TMTC2: variants seen among roughly 807,000 people sequenced by gnomAD.
TMTC2 encodes transmembrane O-mannosyltransferase targeting cadherins 2.
Under a neutral mutation model 82.4 loss-of-function variants are expected in TMTC2, and 43 were observed. That is an observed-to-expected ratio of 0.52 (90% CI 0.41 to 0.67). The LOEUF (loss-of-function observed/expected upper bound fraction) is 0.67, where lower values mean the gene tolerates loss of function less well. Among genes scored for constraint, TMTC2 ranks in the 30% least tolerant of loss-of-function variants. TMTC2 has a pLI of 0.00. For missense variants in TMTC2, 919 were observed against 1,012.4 expected, an observed-to-expected ratio of 0.91 and a Z score of 1.25; for synonymous variants, 408 against 381.9, an observed-to-expected ratio of 1.07 and a Z score of -0.80.
At chr12:82,901,929 G>A (rs1874041327) in intron 3 of TMTC2, among the ~76,000 whole-genome samples, 2 of 152,112 alleles carry the variant, frequency 1.3e-5, no homozygotes, top group Non-Finnish European at 1.5e-5. Flanking sequence ...GAGGAAAAAT[G>A]TTCTATTATT....
intron 2 of TMTC2, among the ~76,000 whole-genome samples, chr12:82,874,295 C>G (rs771365359): frequency 4.8e-4 from 73 of 152,308 alleles, no homozygotes; most frequent in Non-Finnish European, 7.9e-4. Context: ...TAATTGTGAA[C>G]AACTCATTTA....
intron 7 of TMTC2, among the ~76,000 whole-genome samples, chr12:82,969,006 C>T (rs976200412): frequency 6.6e-6 from 1 of 152,106 alleles, no homozygotes; most frequent in Non-Finnish European, 1.5e-5. Context: ...TTTATAGTTT[C>T]AGTTATTCGG....
intron 2 of TMTC2, among the ~76,000 whole-genome samples, chr12:82,889,716 A>T (rs1328078581): frequency 6.6e-6 from 1 of 152,170 alleles, no homozygotes; most frequent in South Asian, 2.1e-4. Flanking sequence ...TTCACCAGTC[A>T]TGCTGTTATA....
At chr12:82,917,172 T>A (rs534624351) in intron 3 of TMTC2, among the ~76,000 whole-genome samples, 2 of 150,546 alleles carry the variant, frequency 1.3e-5, no homozygotes, top group Admixed American at 1.3e-4. Flanking sequence ...GGGAAGACAG[T>A]CTACTTTAAA....
intron 1 of TMTC2, among the ~76,000 whole-genome samples, chr12:82,707,841 C>G (rs1372104213): frequency 2.0e-5 from 3 of 152,240 alleles, no homozygotes; most frequent in African/African-American, 7.2e-5. Flanking sequence ...CTGTTCTACT[C>G]TCATGACCCT....
At chr12:82,757,712 T>C (rs906544978) in intron 1 of TMTC2, among the ~76,000 whole-genome samples, 2 of 152,346 alleles carry the variant, frequency 1.3e-5, no homozygotes, top group African/African-American at 4.8e-5. Flanking sequence ...GATAATTCTT[T>C]TACTGTCTTC....
chr12:82,832,464 C>T (rs1256022007), intron 1 of TMTC2, among the ~76,000 whole-genome samples: 1 of 151,856 alleles, frequency 6.6e-6, no homozygotes, highest in Non-Finnish European at 1.5e-5. Context: ...TACACTGTTT[C>T]ATCAAGTAAT....
chr12:82,881,889 T>A (rs1703088), intron 2 of TMTC2, among the ~76,000 whole-genome samples: 1 of 152,028 alleles, frequency 6.6e-6, no homozygotes, highest in African/African-American at 2.4e-5. Context: ...ACCATCAGAG[T>A]AATAAGATAC....
chr12:82,912,160 T>C (rs9308328), intron 3 of TMTC2, among the ~76,000 whole-genome samples: 2 of 152,114 alleles, frequency 1.3e-5, no homozygotes, highest in Non-Finnish European at 2.9e-5. Flanking sequence ...TTTAAACATA[T>C]GTTTTAATTA....
At chr12:83,058,298 A>C (rs184689651) in intron 10 of TMTC2, among the ~76,000 whole-genome samples, 1 of 152,002 alleles carries the variant, frequency 6.6e-6, no homozygotes, top group East Asian at 1.9e-4. Flanking sequence ...GATGGTAAAA[A>C]AACAAAACCA....
At chr12:83,065,964 A>G (rs2137479909) in intron 11 of TMTC2, among the ~76,000 whole-genome samples, 1 of 152,106 alleles carries the variant, frequency 6.6e-6, no homozygotes, top group Admixed American at 6.6e-5. Context: ...ATTTTGGGGA[A>G]TGTAATTGTT....
chr12:82,897,197 T>C lies in TMTC2; in HGVS notation c.1483+551T>C, dbSNP rs185810264. The stretch of plus-strand genomic sequence containing the variant: ...CTTTGGCTGCGCAGAGGCTGAATTA[T>C]CTGAGTGTTGCCAAGCAGTTAGCAA... On this transcript the variant is annotated intron_variant, in intron 3 of 11. Transcript: ENST00000321196. Among the ~76,000 whole-genome samples the C allele has an allele frequency of 1.1e-3, 162 of 152,340 alleles. 1 individual carries two copies. Among genetic ancestry groups the C allele is most frequent in the African/African-American group, 3.6e-3 (150 of 41,586 alleles).
intron 2 of TMTC2, among the ~76,000 whole-genome samples, chr12:82,881,900 A>G (rs1235188674): frequency 6.6e-6 from 1 of 152,160 alleles, no homozygotes; most frequent in Non-Finnish European, 1.5e-5. Context: ...AATAAGATAC[A>G]TAGGTCTGAA....
intron 9 of TMTC2, among the ~76,000 whole-genome samples, chr12:83,040,199 G>A (rs1488842850): frequency 6.6e-6 from 1 of 152,172 alleles, no homozygotes; most frequent in Non-Finnish European, 1.5e-5. Flanking sequence ...TAAGTTGGCA[G>A]AGCAAGAATT....
chr12:83,114,232 A>G (rs1884685872), intron 11 of TMTC2, among the ~76,000 whole-genome samples: 1 of 151,844 alleles, frequency 6.6e-6, no homozygotes, highest in African/African-American at 2.4e-5. Flanking sequence ...ATGAGGGTGG[A>G]GTGCTCAAGA....
intron 11 of TMTC2, among the ~76,000 whole-genome samples, chr12:83,131,312 G>T (rs1885248900): frequency 6.6e-6 from 1 of 152,120 alleles, no homozygotes; most frequent in African/African-American, 2.4e-5. Flanking sequence ...CCTTTGGGAG[G>T]GACTTTTGCT....
intron 11 of TMTC2, among the ~76,000 whole-genome samples, chr12:83,077,269 C>T (rs932556724): frequency 2.0e-5 from 3 of 152,136 alleles, no homozygotes; most frequent in African/African-American, 4.8e-5. Flanking sequence ...GAGTGGTGCC[C>T]GTGCTATGCC....
At chr12:83,115,583 A>G (rs1884726644) in intron 11 of TMTC2, among the ~76,000 whole-genome samples, 1 of 151,620 alleles carries the variant, frequency 6.6e-6, no homozygotes, top group Non-Finnish European at 1.5e-5. Flanking sequence ...TGGAGTACTG[A>G]TTGCATATTA....
intron 2 of TMTC2, among the ~76,000 whole-genome samples, chr12:82,883,970 C>T (rs1294218766): frequency 1.3e-5 from 2 of 151,994 alleles, no homozygotes; most frequent in Non-Finnish European, 2.9e-5. Context: ...TTGTGGCTAC[C>T]CTGATTTGAC....
Sources: allele counts gnomAD v4.1 joint callset (sites outside exome capture counted in the v4.1 genomes callset), GRCh38; gene constraint gnomAD v4.1.1; transcripts MANE v1.5; gene names NCBI Gene and HGNC (gene_info 2026-07-23, HGNC 2026-07-21).